PREX1: variants seen among roughly 807,000 people sequenced by gnomAD.
PREX1 encodes phosphatidylinositol-3,4,5-trisphosphate dependent Rac exchange factor 1.
In PREX1, 41 loss-of-function variants were observed where a neutral mutation model predicts 198.3. That is an observed-to-expected ratio of 0.21 (90% CI 0.16 to 0.27). The LOEUF is 0.27. PREX1 is among the 10% of genes least tolerant of loss of function. PREX1 has a pLI of 1.00. For missense variants in PREX1, 1,620 were observed against 2,200.7 expected, an observed-to-expected ratio of 0.74 and a Z score of 5.28; for synonymous variants, 843 against 887.2, an observed-to-expected ratio of 0.95 and a Z score of 0.89.
At chr20:48,855,384 G>A in the PREX1 span, among the ~76,000 whole-genome samples, 1 of 151,864 alleles carries the variant, frequency 6.6e-6, no homozygotes, top group Non-Finnish European at 1.5e-5. Context: ...AGAGACCCTG[G>A]GTACCAAGTC....
At chr20:48,631,125 G>A (rs575817806) in intron 35 of PREX1, among the ~76,000 whole-genome samples, 1 of 152,210 alleles carries the variant, frequency 6.6e-6, no homozygotes, top group East Asian at 1.9e-4. Flanking sequence ...CATGGCTCTG[G>A]GCTTACTGGT....
intron 1 of PREX1, among the ~76,000 whole-genome samples, chr20:48,824,144 G>A (rs1043236268): frequency 2.6e-5 from 4 of 152,152 alleles, no homozygotes; most frequent in Admixed American, 2.6e-4. Flanking sequence ...CAAAACCCCA[G>A]GCACTGTTTC....
intron 14 of PREX1, among the ~76,000 whole-genome samples, chr20:48,669,456 T>A (rs560197593): frequency 6.6e-6 from 1 of 152,298 alleles, no homozygotes; most frequent in South Asian, 2.1e-4. Context: ...CCACCGGGTA[T>A]AAGCTCCATG....
At chr20:48,828,339 A>T (rs1298890097), upstream of PREX1, among the ~76,000 whole-genome samples, 2 of 151,722 alleles carry the variant, frequency 1.3e-5, no homozygotes, top group Non-Finnish European at 2.9e-5. Context: ...ACCCGCAGTC[A>T]CCGCGGGCTA....
At chr20:48,786,572 G>A (rs999145409) in intron 1 of PREX1, among the ~76,000 whole-genome samples, 16 of 151,804 alleles carry the variant, frequency 1.1e-4, no homozygotes, top group African/African-American at 3.6e-4. Flanking sequence ...GGCAAAACCA[G>A]ATCTCTACTA....
chr20:48,848,281 C>T, the PREX1 span, among the ~76,000 whole-genome samples: 22 of 149,352 alleles, frequency 1.5e-4, no homozygotes, highest in South Asian at 4.7e-3. Flanking sequence ...TTGAGACAAG[C>T]TCTCGTTCTG....
Position 48,661,458 on chromosome 20 carries a change from T to A in PREX1, c.1739-1397A>T, listed in dbSNP as rs1380458464. Among the ~76,000 whole-genome samples, 6 of 105,842 alleles carry A rather than the reference T, an allele frequency of 5.7e-5. 1 individual carries two copies. Among genetic ancestry groups the A allele is most frequent in the South Asian group, 6.4e-4 (2 of 3,138 alleles). 69.4% of individuals were successfully genotyped at this position (105,842 alleles called of 152,430 possible). A position where few individuals can be genotyped will look rare whatever the true frequency, so the allele number is the denominator to read the frequency against. On this transcript the variant is annotated intron_variant, in intron 15 of 39. Transcript: ENST00000371941. ...AAAAAAAAAAAAATATATATATATA[T>A]ATATATATATACACACACATATATA...
chr20:48,763,694 A>C (rs1206252503), intron 1 of PREX1, among the ~76,000 whole-genome samples: 1 of 152,202 alleles, frequency 6.6e-6, no homozygotes, highest in East Asian at 1.9e-4. Context: ...GAGAATGTAA[A>C]AATAGTGGCA....
At chr20:48,715,257 G>C (rs2089956782) in intron 5 of PREX1, among the ~76,000 whole-genome samples, 1 of 152,202 alleles carries the variant, frequency 6.6e-6, no homozygotes, top group Non-Finnish European at 1.5e-5. Flanking sequence ...ACCTCAAGGA[G>C]TCCAATGGGA....
intron 1 of PREX1, among the ~76,000 whole-genome samples, chr20:48,753,789 A>G (rs1473129570): frequency 6.6e-6 from 1 of 152,152 alleles, no homozygotes; most frequent in African/African-American, 2.4e-5. Context: ...AAGACATTCA[A>G]TTGGCAGGAG....
At chr20:48,863,751 C>T in the PREX1 span, among the ~76,000 whole-genome samples, 2 of 151,940 alleles carry the variant, frequency 1.3e-5, no homozygotes, top group Non-Finnish European at 2.9e-5. Flanking sequence ...CCACGCCTGG[C>T]TAATTTTTGT....
rs117274949 is a variant in PREX1 at position 48,697,929 on chromosome 20, C to T, written c.917+2824G>A. 7.5e-4 allele frequency among the ~76,000 whole-genome samples: 114 copies of T among 152,324 alleles called. 1 individual carries two copies. The South Asian group carries it at 0.016, about 21-fold the overall frequency. ...CATATCCTGGATGGGTGGTGCCCTG[C>T]ATGACCCAGGCAAGGACAAACACAG... On this transcript the variant is annotated intron_variant, in intron 7 of 39. Coordinates refer to ENST00000371941, the MANE Select transcript of PREX1 (RefSeq NM_020820.4).
At chr20:48,842,560 G>A in the PREX1 span, among the ~76,000 whole-genome samples, 1 of 151,320 alleles carries the variant, frequency 6.6e-6, no homozygotes, top group East Asian at 1.9e-4. Flanking sequence ...AACCGTGATT[G>A]TGCCACTGAA....
At chr20:48,626,066 A>ATTTT in intron 39 of PREX1, 139 bp from the exon 40 acceptor site, 1 of 959,256 alleles carries the variant, frequency 1.0e-6, no homozygotes, top group Non-Finnish European at 1.5e-6. Context: ...AGAGAAAAAT[A>ATTTT]TCTATGCTGT....
intron 4 of PREX1, among the ~76,000 whole-genome samples, chr20:48,732,418 A>T (rs2090038322): frequency 6.6e-6 from 1 of 151,860 alleles, no homozygotes; most frequent in Admixed American, 6.6e-5. Context: ...AACGTGGTTC[A>T]TACTCCGTAT....
At chr20:48,675,304 C>T (rs374799084) in intron 14 of PREX1, among the ~76,000 whole-genome samples, 2 of 152,192 alleles carry the variant, frequency 1.3e-5, no homozygotes, top group African/African-American at 2.4e-5. Context: ...CCGAACCTGC[C>T]GGCACCTTGG....
chr20:48,850,886 C>T, the PREX1 span, among the ~76,000 whole-genome samples: 1 of 152,170 alleles, frequency 6.6e-6, no homozygotes, highest in Non-Finnish European at 1.5e-5. Context: ...ACTCTGGCCA[C>T]CAGCCAAATC....
At chr20:48,758,015 G>C (rs2090162462) in intron 1 of PREX1, among the ~76,000 whole-genome samples, 2 of 152,202 alleles carry the variant, frequency 1.3e-5, no homozygotes, top group South Asian at 4.1e-4. Context: ...AGGACCCTTG[G>C]GGTGGTTCCC....
intron 30 of PREX1, among the ~76,000 whole-genome samples, chr20:48,638,729 G>A (rs774284172): frequency 6.6e-6 from 1 of 152,198 alleles, no homozygotes; most frequent in Non-Finnish European, 1.5e-5. Context: ...CAGGCAGCCA[G>A]GGCACTGAGC....
Sources: allele counts gnomAD v4.1 joint callset (sites outside exome capture counted in the v4.1 genomes callset), GRCh38; gene constraint gnomAD v4.1.1; transcripts MANE v1.5; gene names NCBI Gene and HGNC (gene_info 2026-07-23, HGNC 2026-07-21).